AKT3: variants seen among roughly 807,000 people sequenced by gnomAD.
AKT3 encodes RAC-gamma serine/threonine-protein kinase.
AKT3 carries 15 observed loss-of-function variants against 65.3 expected under a neutral mutation model. The observed-to-expected ratio is 0.23, with a 90% CI of 0.15 to 0.35. The LOEUF (loss-of-function observed/expected upper bound fraction) is 0.35. Among genes scored for constraint, AKT3 ranks in the 10% least tolerant of loss-of-function variants. The pLI is 1.00. For synonymous variants in AKT3, 206 were observed against 183.8 expected (o/e 1.12, Z -0.98); for missense variants, 243 against 576.5 (o/e 0.42, Z 5.92).
chr1:243,769,650 G>A (rs145148289), intron 2 of AKT3, among the ~76,000 whole-genome samples: 74 of 152,152 alleles, frequency 4.9e-4, no homozygotes, highest in African/African-American at 1.7e-3. Flanking sequence ...TCTTTTCATT[G>A]TTGAGATATA....
At chr1:243,804,266 A>T (rs1393061663) in intron 2 of AKT3, among the ~76,000 whole-genome samples, 1 of 152,276 alleles carries the variant, frequency 6.6e-6, no homozygotes, top group Non-Finnish European at 1.5e-5. Context: ...GAAACATTTT[A>T]AAATTAGGTC....
At chr1:243,550,823 G>A (rs190793124) in intron 11 of AKT3, among the ~76,000 whole-genome samples, 2,027 of 141,124 alleles carry the variant, frequency 0.014, 33 homozygotes, top group Non-Finnish European at 0.02. Flanking sequence ...GCCAGGTGTG[G>A]TGGCAGGCGC....
chr1:243,525,903 A>G (rs1224497625), intron 12 of AKT3, among the ~76,000 whole-genome samples: 1 of 144,696 alleles, frequency 6.9e-6, no homozygotes, highest in African/African-American at 2.6e-5. Flanking sequence ...AAAGTTTTCC[A>G]AAGTTAAAGA....
intron 12 of AKT3, among the ~76,000 whole-genome samples, chr1:243,534,724 GACTAAA>G (rs981065451): frequency 6.6e-6 from 1 of 152,050 alleles, no homozygotes; most frequent in Non-Finnish European, 1.5e-5. Context: ...AATACCTGTA[GACTAAA>G]CAACACATTT....
At chr1:243,626,267 T>G (rs890309555) in intron 6 of AKT3, among the ~76,000 whole-genome samples, 1 of 152,100 alleles carries the variant, frequency 6.6e-6, no homozygotes, top group African/African-American at 2.4e-5. Flanking sequence ...ACAAAACAGA[T>G]AGTCAACGAA....
At chr1:243,498,113 T>A (rs1668491063), downstream of AKT3, among the ~76,000 whole-genome samples, 1 of 152,196 alleles carries the variant, frequency 6.6e-6, no homozygotes, top group African/African-American at 2.4e-5. Flanking sequence ...ATGTGGCCAA[T>A]CCATGGAGCA....
At position 243,785,325 on chromosome 1, in the gene AKT3, G is replaced by A. The variant is rs925169056; in HGVS notation, c.46+57800C>T. Among the ~76,000 whole-genome samples, 16 of 150,890 alleles carry A rather than the reference G, an allele frequency of 1.1e-4. No homozygotes were observed. The South Asian group carries it at 2.7e-3, about 26-fold the overall frequency. On this transcript the variant is annotated intron_variant, in intron 2 of 13. Coordinates refer to ENST00000673466, the MANE Select transcript of AKT3 (RefSeq NM_005465.7). ...GATCTCCTGACCTTGCGATCTGCCC[G>A]CCTCGGCCTCCCAAAGTGTTGGGAT...
intron 2 of AKT3, among the ~76,000 whole-genome samples, chr1:243,766,098 T>C (rs1689799462): frequency 6.6e-6 from 1 of 152,200 alleles, no homozygotes; most frequent in South Asian, 2.1e-4. Flanking sequence ...ATTGTAAGTC[T>C]GGCACAGAGT....
intron 2 of AKT3, among the ~76,000 whole-genome samples, chr1:243,709,547 C>T (rs1250847274): frequency 6.6e-6 from 1 of 151,774 alleles, no homozygotes; most frequent in Non-Finnish European, 1.5e-5. Flanking sequence ...AAAATTTGAA[C>T]TACTAAACAG....
In AKT3 at chr1:243,655,460, C is replaced by T. The variant is rs183682419; in HGVS notation, c.284+9312G>A. Among the ~76,000 whole-genome samples the T allele has an allele frequency of 2.2e-3, 337 of 150,046 alleles. 3 individuals carry two copies. Among genetic ancestry groups the T allele is most frequent in the Admixed American group, 9.3e-3 (141 of 15,112 alleles). On this transcript the variant is annotated intron_variant, in intron 4 of 13. Coordinates refer to ENST00000673466, the MANE Select transcript of AKT3 (RefSeq NM_005465.7). Reference sequence around the variant, plus strand: ...TGATTCTATTGTCTGTTTTTTTTTCCTCTATTATTTTGGCCACATAGTGTT... The same window carrying T: ...TGATTCTATTGTCTGTTTTTTTTTCTTCTATTATTTTGGCCACATAGTGTT...
At chr1:243,557,118 A>G (rs1398238659) in intron 10 of AKT3, among the ~76,000 whole-genome samples, 3 of 152,126 alleles carry the variant, frequency 2.0e-5, no homozygotes, top group African/African-American at 7.2e-5. Flanking sequence ...ATCCTTTGAC[A>G]AGAGAAAGGC....
At chr1:243,539,082 G>C (rs1207816688) in intron 12 of AKT3, among the ~76,000 whole-genome samples, 1 of 152,068 alleles carries the variant, frequency 6.6e-6, no homozygotes, top group Non-Finnish European at 1.5e-5. Context: ...ATGAACACTG[G>C]TAGAACAATT....
At position 243,843,649 on chromosome 1, in the gene AKT3, A is replaced by G. The variant is rs561662577; in HGVS notation, c.-112-367T>C. 6.4e-5 allele frequency: 54 copies of G among 847,472 alleles called. No homozygotes were observed. The African/African-American group carries it at 9.7e-4, about 15-fold the overall frequency. 52.5% of individuals were successfully genotyped at this position (847,472 alleles called of 1,614,324 possible). ...CCTGTAATTTCAGAAGCAATTGTAAATTTTTTGTTTTTTTTTTTTTTGAAA... is the reference window on the plus strand; with the variant it reads ...CCTGTAATTTCAGAAGCAATTGTAAGTTTTTTGTTTTTTTTTTTTTTGAAA... On this transcript the variant is annotated intron_variant, in intron 1 of 13. Transcript: ENST00000673466.
At chr1:243,791,846 C>T (rs1046351972) in intron 2 of AKT3, among the ~76,000 whole-genome samples, 8 of 152,190 alleles carry the variant, frequency 5.3e-5, no homozygotes, top group African/African-American at 1.9e-4. Flanking sequence ...TCTGCTAATA[C>T]AGCTGAGCTC....
intron 12 of AKT3, 104 bp downstream of exon 12, chr1:243,545,406 A>G (rs987398766): frequency 1.6e-6 from 1 of 630,308 alleles, no homozygotes; most frequent in African/African-American, 1.8e-5. Context: ...AATGGAAAGT[A>G]TCATTACATC....
chr1:243,698,129 T>C (rs1685178718), intron 2 of AKT3, among the ~76,000 whole-genome samples: 1 of 152,092 alleles, frequency 6.6e-6, no homozygotes, highest in Non-Finnish European at 1.5e-5. Flanking sequence ...TAATTGCTCT[T>C]ATTTTATTTT....
intron 8 of AKT3, among the ~76,000 whole-genome samples, chr1:243,575,116 G>A (rs984923141): frequency 2.0e-5 from 3 of 152,020 alleles, no homozygotes; most frequent in African/African-American, 7.2e-5. Context: ...CCTCTTAATC[G>A]CCAAATCCAA....
intron 3 of AKT3, among the ~76,000 whole-genome samples, chr1:243,692,662 C>T (rs866381807): frequency 5.3e-5 from 8 of 151,956 alleles, no homozygotes; most frequent in Non-Finnish European, 1.2e-4. Context: ...CACTTGAACC[C>T]GGAAGGCGGA....
intron 8 of AKT3, among the ~76,000 whole-genome samples, chr1:243,589,736 C>G (rs2148547639): frequency 6.6e-6 from 1 of 152,266 alleles, no homozygotes; most frequent in African/African-American, 2.4e-5. Flanking sequence ...GATATCTGTA[C>G]TCCCACATAC....
Sources: gnomAD v4.1 joint callset for allele counts (sites outside exome capture counted in the v4.1 genomes callset) on GRCh38, gnomAD v4.1.1 for gene constraint, MANE v1.5 for transcripts, NCBI Gene and HGNC (gene_info 2026-07-23, HGNC 2026-07-21) for gene names.